Variants in ZNF705G observed in about 807,000 individuals in gnomAD.
ZNF705G encodes zinc finger protein 705G.
A neutral mutation model predicts 19.6 loss-of-function variants in ZNF705G; 23 were observed. The observed-to-expected ratio is 1.17, with a 90% CI of 0.84 to 1.66. The LOEUF (loss-of-function observed/expected upper bound fraction) is 1.66, where lower values mean the gene tolerates loss of function less well. Ranked by LOEUF, ZNF705G falls within the 40% of genes most tolerant of loss-of-function variation. The pLI is 0.00. For missense variants in ZNF705G, 457 were observed against 354.4 expected (o/e 1.29, Z -2.32); for synonymous variants, 146 against 117.7 (o/e 1.24, Z -1.56).
Position 7,357,528 on chromosome 8 carries a change from T to A in ZNF705G, c.*448A>T, listed in dbSNP as rs1002734777. ...GAGTTAGAGATTCTCTACCTGAAAG[T>A]CCCACATGTTTTAAGTTATAGCTGT... On this transcript the variant is annotated 3_prime_UTR_variant, in exon 7 of 7. Coordinates refer to ENST00000400156, the MANE Select transcript of ZNF705G (RefSeq NM_001164457.3). The A allele has an allele frequency of 3.9e-5, 8 of 205,510 alleles. No homozygotes were observed. Among genetic ancestry groups the A allele is most frequent in the African/African-American group, 1.5e-4 (6 of 39,826 alleles). 12.7% of individuals were successfully genotyped at this position (205,510 alleles called of 1,614,324 possible). A position where few individuals can be genotyped will look rare whatever the true frequency, so the allele number is the denominator to read the frequency against.
intron 2 of ZNF705G, among the ~76,000 whole-genome samples, chr8:7,368,371 C>A (rs1585418906): frequency 1.3e-5 from 2 of 149,418 alleles, no homozygotes; most frequent in Admixed American, 6.6e-5. Flanking sequence ...TCAAGGGATA[C>A]AACAAGAAAC....
rs557142277 is a variant in ZNF705G, at chr8:7,358,822, C to T, written c.319-262G>A. Among the ~76,000 whole-genome samples, 28 of 149,448 alleles carry T rather than the reference C, an allele frequency of 1.9e-4. No individual in the cohort carries two copies. In the South Asian group the frequency reaches 5.7e-3, roughly 30 times the overall value. The stretch of plus-strand genomic sequence containing the variant: ...AATATGGCTACAAGATGAAAAGCTA[C>T]ACGCCTCCCCCATATTTTGCCCATG... On this transcript the variant is annotated intron_variant, in intron 6 of 6. Transcript: ENST00000400156.
At chr8:7,377,190 A>AAC (rs753051942) in intron 2 of ZNF705G, 1,038 of 28,326 alleles carry the variant, frequency 0.037, 7 homozygotes, top group African/African-American at 0.11. Context: ...GAAATCAAAT[A>AAC]ACACACACAC....
chr8:7,367,172 T>G (rs1409625160), intron 2 of ZNF705G, among the ~76,000 whole-genome samples: 1 of 149,508 alleles, frequency 6.7e-6, no homozygotes, highest in Non-Finnish European at 1.5e-5. Flanking sequence ...AGATGCTGCC[T>G]TGATGGGACA....
chr8:7,385,159 AG>A (rs1300375314), intron 1 of ZNF705G, among the ~76,000 whole-genome samples: 1 of 148,240 alleles, frequency 6.7e-6, no homozygotes, highest in African/African-American at 2.7e-5. Flanking sequence ...TCCCTAACAA[AG>A]GGGGAAAGTC....
At chr8:7,379,414 G>A (rs1280928153) in intron 2 of ZNF705G, among the ~76,000 whole-genome samples, 1 of 147,288 alleles carries the variant, frequency 6.8e-6, no homozygotes, top group Admixed American at 6.6e-5. Flanking sequence ...CCGTCACATA[G>A]AATATTATCC....
intron 3 of ZNF705G, among the ~76,000 whole-genome samples, 184 bp downstream of exon 3, chr8:7,362,751 G>A (rs1009806885): frequency 6.7e-6 from 1 of 149,216 alleles, no homozygotes. Context: ...AAACTTAATG[G>A]GGGGCCAGAT....
intron 4 of ZNF705G, among the ~76,000 whole-genome samples, chr8:7,360,825 C>A (rs1252572605): frequency 2.0e-5 from 3 of 149,408 alleles, no homozygotes; most frequent in African/African-American, 7.7e-5. Context: ...TGAAAACATT[C>A]ATTAAGTTCC....
At chr8:7,361,662 T>A (rs1369659244) in intron 3 of ZNF705G, among the ~76,000 whole-genome samples, 1 of 149,674 alleles carries the variant, frequency 6.7e-6, no homozygotes, top group African/African-American at 2.6e-5. Context: ...AAATTATTTC[T>A]CCAGATGAAC....
chr8:7,367,586 C>G (rs1382933424), intron 2 of ZNF705G, among the ~76,000 whole-genome samples: 4 of 149,564 alleles, frequency 2.7e-5, no homozygotes, highest in Admixed American at 2.6e-4. Context: ...GAAACTCTCC[C>G]TAAAGGACGA....
chr8:7,358,885 C>T (rs1214074522), intron 6 of ZNF705G, among the ~76,000 whole-genome samples: 3 of 149,394 alleles, frequency 2.0e-5, no homozygotes, highest in Admixed American at 6.6e-5. Flanking sequence ...TGCACCATGG[C>T]AATGCAAACT....
rs1249386081 is a variant in ZNF705G at position 7,355,806 on chromosome 8, A to T, written c.*2170T>A. On this transcript the variant is annotated 3_prime_UTR_variant, in exon 7 of 7. Transcript: ENST00000400156. Reference sequence around the variant, plus strand: ...TAATTAAATAGATTAAACAATAAATAATGATATGAGCTCTGCCTGGACACA... The same window carrying T: ...TAATTAAATAGATTAAACAATAAATTATGATATGAGCTCTGCCTGGACACA... 1 of 149,560 alleles carries T rather than the reference A, an allele frequency of 6.7e-6. No homozygotes were observed. The highest frequency in any genetic ancestry group is 2.1e-4 in the South Asian group (1 of 4,750). The allele number at this position is 149,560 out of a possible 1,614,324, so 9.3% of individuals were successfully genotyped here.
chr8:7,366,359 A>G (rs1304544548), intron 2 of ZNF705G, among the ~76,000 whole-genome samples: 2 of 149,640 alleles, frequency 1.3e-5, no homozygotes, highest in African/African-American at 2.6e-5. Context: ...CAAAACATTT[A>G]TTTTTAAAGT....
rs1254024278 is a variant in ZNF705G at position 7,358,254 on chromosome 8, A to G, written c.625T>C (p.Phe209Leu). The G allele has an allele frequency of 6.2e-7, 1 of 1,607,636 alleles. No homozygotes were observed. ...PYACHLCRKAFTQCSHLRRHE... is the reference protein window; with the variant it reads ...PYACHLCRKALTQCSHLRRHE... The stretch of plus-strand genomic sequence containing the variant: ...CTTCTAAGGTGAGAACACTGAGTGA[A>G]GGCTTTTCTACATAGATGACATGCA... The change falls in exon 7 of 7, where the codon TTC becomes CTC. Residue 209 changes from phenylalanine to leucine, a missense_variant. By Grantham distance (22) the Phe-to-Leu change is conservative. Transcript: ENST00000400156.
chr8:7,366,539 A>T (rs1806864960), intron 2 of ZNF705G, among the ~76,000 whole-genome samples: 1 of 149,640 alleles, frequency 6.7e-6, no homozygotes, highest in African/African-American at 2.6e-5. Context: ...AATCTATTTT[A>T]AAGAAACTTG....
At chr8:7,385,313 C>T (rs1157618965) in intron 1 of ZNF705G, among the ~76,000 whole-genome samples, 185 bp downstream of exon 1, 2 of 148,404 alleles carry the variant, frequency 1.3e-5, no homozygotes, top group Admixed American at 6.6e-5. Context: ...ACACTCATAC[C>T]ACAGCAAATA....
At chr8:7,368,415 T>G (rs1009234177) in intron 2 of ZNF705G, among the ~76,000 whole-genome samples, 1 of 149,566 alleles carries the variant, frequency 6.7e-6, no homozygotes, top group African/African-American at 2.6e-5. Context: ...GACTCTATAT[T>G]CTAAAATTCT....
rs148940927 is a variant in ZNF705G, at chr8:7,357,019, C to T, written c.*957G>A. ...TTTTTCTAGGGGTCCAACTTCTTGA[C>T]TCACTTTTCTGATGAGAAATCTATC... On this transcript the variant is annotated 3_prime_UTR_variant, in exon 7 of 7. Coordinates refer to ENST00000400156, the MANE Select transcript of ZNF705G (RefSeq NM_001164457.3). 3 of 149,950 alleles carry T rather than the reference C, an allele frequency of 2.0e-5. 1 individual carries two copies. The highest frequency in any genetic ancestry group is 7.6e-5 in the African/African-American group (3 of 39,280). 9.3% of individuals were successfully genotyped at this position (149,950 alleles called of 1,614,324 possible). A position where few individuals can be genotyped will look rare whatever the true frequency, so the allele number is the denominator to read the frequency against.
At position 7,356,605 on chromosome 8, in the gene ZNF705G, G is replaced by A. The variant is rs1352093516; in HGVS notation, c.*1371C>T. On this transcript the variant is annotated 3_prime_UTR_variant, in exon 7 of 7. Coordinates refer to ENST00000400156, the MANE Select transcript of ZNF705G (RefSeq NM_001164457.3). Reference sequence around the variant, plus strand: ...TCCCTGGTGTGTCAACTCGAGGGTTGGATGGAAACAAGTGGTTTTAGTGGA... The same window carrying A: ...TCCCTGGTGTGTCAACTCGAGGGTTAGATGGAAACAAGTGGTTTTAGTGGA... 6.7e-6 allele frequency: 1 copy of A among 149,562 alleles called. No individual in the cohort carries two copies. The allele number at this position is 149,562 out of a possible 1,614,324, so 9.3% of individuals were successfully genotyped here. A position where few individuals can be genotyped will look rare whatever the true frequency, so the allele number is the denominator to read the frequency against.
Sources: allele counts gnomAD v4.1 joint callset (sites outside exome capture counted in the v4.1 genomes callset), GRCh38; gene constraint gnomAD v4.1.1; transcripts MANE v1.5; gene names NCBI Gene and HGNC (gene_info 2026-07-23, HGNC 2026-07-21).